AFAP1L2: variants seen among roughly 807,000 people sequenced by gnomAD.
The protein encoded by AFAP1L2 is actin filament-associated protein 1-like 2.
AFAP1L2 carries 46 observed loss-of-function variants against 99.3 expected under a neutral mutation model. The observed-to-expected ratio is 0.46, with a 90% confidence interval of 0.37 to 0.59. The LOEUF is 0.59. Among genes scored for constraint, AFAP1L2 ranks in the 20% least tolerant of loss-of-function variants. The pLI is 0.00. For missense variants in AFAP1L2, 959 were observed against 1,034.9 expected (o/e 0.93, Z 1.01); for synonymous variants, 397 against 419.1 (o/e 0.95, Z 0.64).
Position 114,297,217 on chromosome 10 carries a change from C to T in AFAP1L2, c.2307+3G>A. On this transcript the variant is annotated splice_donor_region_variant and intron_variant, in intron 17 of 18. Transcript: ENST00000304129. Reference sequence around the variant, plus strand: ...GCCCAGAGGCCGCAGTTCCAGCACTCACGCGGGGGCTCACATTCTCCAGGT... The same window carrying T: ...GCCCAGAGGCCGCAGTTCCAGCACTTACGCGGGGGCTCACATTCTCCAGGT... The T allele has an allele frequency of 6.5e-7, 1 of 1,545,090 alleles. No individual in the cohort carries two copies. Among genetic ancestry groups the T allele is most frequent in the Non-Finnish European group, 8.8e-7 (1 of 1,136,376 alleles).
rs565816474 is a variant in AFAP1L2 at position 114,305,009 on chromosome 10, G to A, written c.1073-79C>T. 1.2e-4 allele frequency: 99 copies of A among 813,118 alleles called. No individual in the cohort carries two copies. In the Middle Eastern group the frequency reaches 3.2e-3, roughly 26 times the overall value. 50.4% of individuals were successfully genotyped at this position (813,118 alleles called of 1,614,324 possible). Reference sequence around the variant, plus strand: ...GATGCAGGAGGGGGCGGGGCTTCGGGAGGGCACACAGATGCAGGAGGGGGC... The same window carrying A: ...GATGCAGGAGGGGGCGGGGCTTCGGAAGGGCACACAGATGCAGGAGGGGGC... On this transcript the variant is annotated intron_variant, in intron 10 of 18. Transcript: ENST00000304129.
chr10:114,314,600 A>C (rs918031168), intron 6 of AFAP1L2, among the ~76,000 whole-genome samples: 1 of 152,216 alleles, frequency 6.6e-6, no homozygotes, highest in Non-Finnish European at 1.5e-5. Flanking sequence ...GGTTGCTTAA[A>C]AGGATTACTT....
chr10:114,331,555 C>G (rs939803214), intron 4 of AFAP1L2, among the ~76,000 whole-genome samples: 3 of 152,158 alleles, frequency 2.0e-5, no homozygotes, highest in African/African-American at 7.2e-5. Flanking sequence ...GCCTGAGTAG[C>G]GTCAGGTGGC....
At position 114,330,139 on chromosome 10, in the gene AFAP1L2, C is replaced by T. The variant is rs187355567; in HGVS notation, c.315+1664G>A. Among the ~76,000 whole-genome samples the T allele has an allele frequency of 5.2e-3, 788 of 152,262 alleles. 9 individuals carry two copies. Among genetic ancestry groups the T allele is most frequent in the African/African-American group, 0.018 (756 of 41,542 alleles). ...GACGGCATGCAATGGGACACTGTCC[C>T]AGGTTCTCCAGAACTGCCCACCCAC... On this transcript the variant is annotated intron_variant, in intron 4 of 18. Transcript: ENST00000304129.
intron 1 of AFAP1L2, among the ~76,000 whole-genome samples, chr10:114,380,664 C>G (rs2055487207): frequency 6.6e-6 from 1 of 152,150 alleles, no homozygotes; most frequent in Non-Finnish European, 1.5e-5. Context: ...CATGAATGGA[C>G]AGAGAGATCA....
At chr10:114,404,055 C>A (rs940032774) in intron 1 of AFAP1L2, among the ~76,000 whole-genome samples, 39 of 152,208 alleles carry the variant, frequency 2.6e-4, no homozygotes, top group African/African-American at 8.2e-4. Flanking sequence ...CCTTTGCCCC[C>A]AGCAGCTCAG....
intron 5 of AFAP1L2, 87 bp downstream of exon 5, chr10:114,323,084 G>A (rs2045632542): frequency 8.1e-7 from 1 of 1,227,208 alleles, no homozygotes; most frequent in Non-Finnish European, 1.2e-6. Flanking sequence ...CAGGATGAGT[G>A]TATCTGTTAC....
At chr10:114,319,306 T>C (rs1361208777) in intron 5 of AFAP1L2, among the ~76,000 whole-genome samples, 2 of 147,574 alleles carry the variant, frequency 1.4e-5, no homozygotes, top group Admixed American at 6.9e-5. Flanking sequence ...CTGTGTCCTG[T>C]GGAACTGAGG....
intron 1 of AFAP1L2, among the ~76,000 whole-genome samples, chr10:114,403,001 C>T (rs533040713): frequency 1.6e-4 from 24 of 152,332 alleles, no homozygotes; most frequent in Non-Finnish European, 2.6e-4. Flanking sequence ...GGAGTGCAAA[C>T]GGCCATGTTA....
At position 114,297,099 on chromosome 10, in the gene AFAP1L2, G is replaced by T; in HGVS notation, c.2309C>A (p.Pro770His). The change falls in exon 18 of 19, where the codon CCC becomes CAC. Residue 770 changes from proline to histidine, a missense_variant and splice_region_variant. Transcript: ENST00000304129. The stretch of plus-strand genomic sequence containing the variant: ...GGCAGAGGCAGGTGTGACAGCTTTG[G>T]GCTGTGGTTATAGGAGGAGAGCAAG... ...TTHLENVSPR[P>H]KAVTPASAPD... The T allele has an allele frequency of 6.2e-7, 1 of 1,614,170 alleles. No individual in the cohort carries two copies. Among genetic ancestry groups the T allele is most frequent in the Non-Finnish European group, 8.5e-7 (1 of 1,180,020 alleles).
chr10:114,301,193 G>T (rs1466242336), intron 13 of AFAP1L2, among the ~76,000 whole-genome samples, 161 bp downstream of exon 13: 1 of 152,222 alleles, frequency 6.6e-6, no homozygotes, highest in African/African-American at 2.4e-5. Context: ...ATAGGAGACA[G>T]CCTTGTTGCA....
At chr10:114,331,417 T>A (rs2047211802) in intron 4 of AFAP1L2, among the ~76,000 whole-genome samples, 1 of 152,156 alleles carries the variant, frequency 6.6e-6, no homozygotes, top group Non-Finnish European at 1.5e-5. Context: ...TGCCTCAGCC[T>A]CCTGAGTAGC....
At position 114,304,861 on chromosome 10, in the gene AFAP1L2, T is replaced by C. The variant is rs147799118; in HGVS notation, c.1142A>G (p.His381Arg). 2.6e-4 allele frequency: 417 copies of C among 1,613,284 alleles called. No individual in the cohort carries two copies. Among genetic ancestry groups the C allele is most frequent in the Non-Finnish European group, 3.4e-4 (397 of 1,180,024 alleles). Residue 381 changes from histidine (H) to arginine (R), a missense_variant, in exon 11 of 19, where the codon CAC (histidine) becomes CGC (arginine). This residue lies in a region of AFAP1L2 where 576 missense variants were observed against 562.1 expected (regional missense o/e 1.02). Transcript: ENST00000304129. ...RWCSVRDNHLHFYQDRNRSKV... is the reference protein window; with the variant it reads ...RWCSVRDNHLRFYQDRNRSKV... Reference sequence around the variant, plus strand: ...GCTCCGGTTCCGGTCCTGGTAGAAGTGCAGGTGATTGTCCCTGACAGAGCA... The same window carrying C: ...GCTCCGGTTCCGGTCCTGGTAGAAGCGCAGGTGATTGTCCCTGACAGAGCA...
At chr10:114,291,468 T>C, downstream of AFAP1L2, 3 of 537,120 alleles carry the variant, frequency 5.6e-6, no homozygotes, top group Non-Finnish European at 9.7e-6. Flanking sequence ...CCACAAACGA[T>C]GTTGTTGAAA....
chr10:114,301,608 G>A, intron 12 of AFAP1L2, 143 bp from the exon 13 acceptor site: 1 of 620,758 alleles, frequency 1.6e-6, no homozygotes. Flanking sequence ...TCACCTCCAT[G>A]GATCTGAGGG....
chr10:114,291,918 G>A (rs1490088993), downstream of AFAP1L2, among the ~76,000 whole-genome samples: 3 of 152,186 alleles, frequency 2.0e-5, no homozygotes, highest in Admixed American at 1.3e-4. Context: ...ATGGGCCCAG[G>A]TCTGGAGGGG....
intron 1 of AFAP1L2, among the ~76,000 whole-genome samples, chr10:114,363,703 G>A (rs1295801425): frequency 1.3e-5 from 2 of 152,184 alleles, no homozygotes; most frequent in Non-Finnish European, 2.9e-5. Context: ...ACCTCTGGGA[G>A]GCCTTCCTTG....
At chr10:114,284,090 G>T in the AFAP1L2 span, among the ~76,000 whole-genome samples, 1 of 152,180 alleles carries the variant, frequency 6.6e-6, no homozygotes, top group East Asian at 1.9e-4. Context: ...AATTGATAAG[G>T]AAAGCAATGA....
chr10:114,333,179 G>A (rs764779481), intron 3 of AFAP1L2, 42 bp downstream of exon 3: 1 of 1,559,966 alleles, frequency 6.4e-7, no homozygotes, highest in East Asian at 2.2e-5. Flanking sequence ...CCCCATCCCA[G>A]GAGTGGCCAT....
Sources: gnomAD v4.1 joint callset for allele counts (sites outside exome capture counted in the v4.1 genomes callset) on GRCh38, gnomAD v4.1.1 for gene constraint, gnomAD v4.1.1 regional missense constraint, MANE v1.5 for transcripts, NCBI Gene and HGNC (gene_info 2026-07-23, HGNC 2026-07-21) for gene names.